The following RPS6KA1 variants were observed in gnomAD, a reference collection of about 807,000 sequenced individuals.
The protein encoded by RPS6KA1 is ribosomal protein S6 kinase alpha-1.
RPS6KA1 carries 48 observed loss-of-function variants against 91.3 expected under a neutral mutation model. That is an observed-to-expected ratio of 0.53 (90% CI 0.42 to 0.67). The LOEUF (loss-of-function observed/expected upper bound fraction) is 0.67, where lower values mean the gene tolerates loss of function less well. Among genes scored for constraint, RPS6KA1 ranks in the 30% least tolerant of loss-of-function variants. The pLI is 0.00. For missense variants in RPS6KA1, 719 were observed against 960.5 expected (o/e 0.75, Z 3.32); for synonymous variants, 359 against 384.7 (o/e 0.93, Z 0.78).
intron 2 of RPS6KA1, among the ~76,000 whole-genome samples, chr1:26,539,207 G>A (rs2075928570): frequency 6.6e-6 from 1 of 152,218 alleles, no homozygotes; most frequent in African/African-American, 2.4e-5. Flanking sequence ...GACGAGATGA[G>A]CACGTCCCCG....
In RPS6KA1 at chr1:26,555,278, TG is replaced by T; in HGVS notation, c.827+62del. ...ACTCCTCCAAGCCCCAGCCCCAGTT[TG>T]GGGGTCAGAATATTATTACCCTGTC... On this transcript the variant is annotated intron_variant, in intron 10 of 21. Coordinates refer to ENST00000374168, the MANE Select transcript of RPS6KA1 (RefSeq NM_002953.4). This position sits in a 1 kb window ranked among gnomAD's most constrained non-coding sequence, Gnocchi z 4.3. 2 of 1,553,858 alleles carry T rather than the reference TG, an allele frequency of 1.3e-6. No homozygotes were observed. The highest frequency in any genetic ancestry group is 1.1e-5 in the South Asian group (1 of 89,192).
At chr1:26,572,323 T>C in intron 20 of RPS6KA1, 30 bp downstream of exon 20, 3 of 1,500,128 alleles carry the variant, frequency 2.0e-6, no homozygotes, top group Non-Finnish European at 2.8e-6. Flanking sequence ...GTGGGCTTAT[T>C]TGGAGGAGGG....
chr1:26,561,645 G>T lies in RPS6KA1; in HGVS notation c.1572G>T (p.Glu524Asp). 6.2e-7 allele frequency: 1 copy of T among 1,609,316 alleles called. No homozygotes were observed. The highest frequency in any genetic ancestry group is 8.5e-7 in the Non-Finnish European group (1 of 1,177,152). ...TGCACACCATTGGCAAAACTGTGGA[G>T]TATCTGCACTCACAGGGGGTGAGTC... ...FVLHTIGKTV[E>D]YLHSQGVVHR... Residue 524 changes from glutamate to aspartate, a missense_variant, in exon 17 of 22, where the codon GAG (glutamate) becomes GAT (aspartate). Glu to Asp is a conservative substitution (Grantham distance 45). This residue lies in a region of RPS6KA1 where 249 missense variants were observed against 323.1 expected (regional missense o/e 0.77). Transcript: ENST00000374168. The surrounding 1 kb of genome is among the most constrained non-coding windows in gnomAD (Gnocchi z 5.7).
chr1:26,533,684 CAA>C (rs1235242818), intron 1 of RPS6KA1, among the ~76,000 whole-genome samples: 2 of 151,920 alleles, frequency 1.3e-5, no homozygotes, highest in African/African-American at 4.8e-5. Flanking sequence ...CCAGCCTGGG[CAA>C]AAGAGTGAAA....
At chr1:26,569,220 G>A (rs1422919087) in intron 17 of RPS6KA1, among the ~76,000 whole-genome samples, 1 of 151,916 alleles carries the variant, frequency 6.6e-6, no homozygotes, top group African/African-American at 2.4e-5. Context: ...TTTCTCCTCT[G>A]TAAAATGGAG....
chr1:26,547,566 T>G lies in RPS6KA1; in HGVS notation c.307+296T>G. The G allele has an allele frequency of 2.7e-6, 1 of 365,040 alleles. No homozygotes were observed. Among genetic ancestry groups the G allele is most frequent in the South Asian group, 2.5e-5 (1 of 40,138 alleles). 22.6% of individuals were successfully genotyped at this position (365,040 alleles called of 1,614,324 possible). On this transcript the variant is annotated intron_variant, in intron 4 of 21. Coordinates refer to ENST00000374168, the MANE Select transcript of RPS6KA1 (RefSeq NM_002953.4). The surrounding 1 kb of genome is among the most constrained non-coding windows in gnomAD (Gnocchi z 4.1). ...GCTGGTCAAGCAGAGGCATTCTGACTGTTGATGCTAGAAGAGTCTGGGGGA... is the reference window on the plus strand; with the variant it reads ...GCTGGTCAAGCAGAGGCATTCTGACGGTTGATGCTAGAAGAGTCTGGGGGA...
rs1443663474 is a variant in RPS6KA1 at position 26,540,305 on chromosome 1, C to G, written c.108+3336C>G. ...GGTTCAGACAGGGAAACAGATTTGC[C>G]CGGGAGCACCCAGCTAGTGAGTGGC... On this transcript the variant is annotated intron_variant, in intron 2 of 21. Transcript: ENST00000374168. This position sits in a 1 kb window ranked among gnomAD's most constrained non-coding sequence, Gnocchi z 4.2. Among the ~76,000 whole-genome samples, 8 of 152,194 alleles carry G rather than the reference C, an allele frequency of 5.3e-5. No homozygotes were observed. Among genetic ancestry groups the G allele is most frequent in the Admixed American group, 5.2e-4 (8 of 15,286 alleles).
chr1:26,548,513 G>C (rs1330925820), intron 4 of RPS6KA1, among the ~76,000 whole-genome samples: 1 of 152,004 alleles, frequency 6.6e-6, no homozygotes, highest in Non-Finnish European at 1.5e-5. Flanking sequence ...AAAATGTAAG[G>C]TAAGCTGGGT....
chr1:26,531,659 T>C (rs1264682822), intron 1 of RPS6KA1, among the ~76,000 whole-genome samples: 1 of 152,162 alleles, frequency 6.6e-6, no homozygotes, highest in Non-Finnish European at 1.5e-5. Context: ...TTCCTGGGAT[T>C]GGTGGGGCAG....
In RPS6KA1 at chr1:26,561,372, G is replaced by A. The variant is rs2124653967; in HGVS notation, c.1432-133G>A. On this transcript the variant is annotated intron_variant, in intron 16 of 21. Transcript: ENST00000374168. The surrounding 1 kb of genome is among the most constrained non-coding windows in gnomAD (Gnocchi z 5.7). ...GTGTCAGCATCCTCCTTTTGGGGAA[G>A]GCAGGACCACTGAAGAGCAAGCAGA... 1 of 1,187,940 alleles carries A rather than the reference G, an allele frequency of 8.4e-7. No homozygotes were observed. The highest frequency in any genetic ancestry group is 1.2e-6 in the Non-Finnish European group (1 of 820,408). 73.6% of individuals were successfully genotyped at this position (1,187,940 alleles called of 1,614,324 possible).
At chr1:26,546,814 T>C in intron 2 of RPS6KA1, 53 bp from the exon 3 acceptor site, 1 of 1,440,470 alleles carries the variant, frequency 6.9e-7, no homozygotes, top group South Asian at 1.2e-5. Context: ...CAGGGGAGCC[T>C]CCTGCTGCCT....
At position 26,529,801 on chromosome 1, in the gene RPS6KA1, C is replaced by T. The variant is rs1184060454; in HGVS notation, c.-120C>T. On this transcript the variant is annotated 5_prime_UTR_variant, in exon 1 of 22. Transcript: ENST00000374168. The surrounding 1 kb of genome is among the most constrained non-coding windows in gnomAD (Gnocchi z 4.2). ...CGGCGGCGGCGGCGGACGGCCCAGC[C>T]GGAGCGCGAGGGGCTCGGGGGGGCG... 2.9e-6 allele frequency: 2 copies of T among 691,658 alleles called. No individual in the cohort carries two copies. Among genetic ancestry groups the T allele is most frequent in the Non-Finnish European group, 3.9e-6 (2 of 518,146 alleles). The allele number at this position is 691,658 out of a possible 1,614,324, so 42.8% of individuals were successfully genotyped here.
chr1:26,554,858 T>C lies in RPS6KA1; in HGVS notation c.756+120T>C. The C allele has an allele frequency of 7.4e-7, 1 of 1,360,284 alleles. No individual in the cohort carries two copies. The highest frequency in any genetic ancestry group is 1.4e-5 in the South Asian group (1 of 71,314). 84.3% of individuals were successfully genotyped at this position (1,360,284 alleles called of 1,614,324 possible). On this transcript the variant is annotated intron_variant, in intron 9 of 21. Transcript: ENST00000374168. This position sits in a 1 kb window ranked among gnomAD's most constrained non-coding sequence, Gnocchi z 4.6. ...TCCCCGTCTCCTCTCACAGCCAAGC[T>C]GGCCTCACCCTATATGCACCTGCAG...
In RPS6KA1 at chr1:26,529,819, G is replaced by C. The variant is rs989573680; in HGVS notation, c.-102G>C. ...GCCCAGCCGGAGCGCGAGGGGCTCGGGGGGGCGCGGCGGTTCGGGTCGCAG... is the reference window on the plus strand; with the variant it reads ...GCCCAGCCGGAGCGCGAGGGGCTCGCGGGGGCGCGGCGGTTCGGGTCGCAG... On this transcript the variant is annotated 5_prime_UTR_variant, in exon 1 of 22. Transcript: ENST00000374168. The surrounding 1 kb of genome is among the most constrained non-coding windows in gnomAD (Gnocchi z 4.2). 7.0e-5 allele frequency: 62 copies of C among 883,162 alleles called. No individual in the cohort carries two copies. The African/African-American group carries it at 1.1e-3, about 15-fold the overall frequency. The allele number at this position is 883,162 out of a possible 1,614,324, so 54.7% of individuals were successfully genotyped here.
rs754095097 is a variant in RPS6KA1 at position 26,530,033 on chromosome 1, C to G, written c.63+50C>G. The G allele has an allele frequency of 1.2e-5, 15 of 1,254,358 alleles. No individual in the cohort carries two copies. The South Asian group carries it at 3.1e-4, about 26-fold the overall frequency. The allele number at this position is 1,254,358 out of a possible 1,614,324, so 77.7% of individuals were successfully genotyped here. On this transcript the variant is annotated intron_variant, in intron 1 of 21. Transcript: ENST00000374168. ...GCGCCCGCGGCCGGCGAGCCCGGATCCTCACAGGGGCGGGGCGGCCCGAAG... is the reference window on the plus strand; with the variant it reads ...GCGCCCGCGGCCGGCGAGCCCGGATGCTCACAGGGGCGGGGCGGCCCGAAG...
rs1234772230 is a variant in RPS6KA1, at chr1:26,560,846, G to C, written c.1336G>C (p.Val446Leu). Reference sequence around the variant, plus strand: ...CAAGGCCACCAACATGGAGTATGCTGTCAAGGTGGGCCTCCTGACCACGTC... The same window carrying C: ...CAAGGCCACCAACATGGAGTATGCTCTCAAGGTGGGCCTCCTGACCACGTC... ...VHKATNMEYA[V>L]KVIDKSKRDP... Residue 446 changes from valine to leucine, a missense_variant, in exon 15 of 22, where the codon GTC (valine) becomes CTC (leucine). This residue lies in a region of RPS6KA1 where 26 missense variants were observed against 69.6 expected (regional missense o/e 0.37). Transcript: ENST00000374168. 2 of 1,614,120 alleles carry C rather than the reference G, an allele frequency of 1.2e-6. No individual in the cohort carries two copies. The highest frequency in any genetic ancestry group is 1.3e-5 in the African/African-American group (1 of 74,948).
chr1:26,557,792 C>T (rs1246399902), intron 13 of RPS6KA1, among the ~76,000 whole-genome samples: 1 of 122,848 alleles, frequency 8.1e-6, no homozygotes, highest in African/African-American at 3.1e-5. Flanking sequence ...CCCTCCCCTC[C>T]CCTCCCCTCC....
At chr1:26,537,041 G>A in intron 2 of RPS6KA1, 72 bp downstream of exon 2, 1 of 1,520,558 alleles carries the variant, frequency 6.6e-7, no homozygotes, top group Admixed American at 1.7e-5. Context: ...GGAGGAGGTT[G>A]AGGGCTCCAG....
chr1:26,547,328 A>T lies in RPS6KA1; in HGVS notation c.307+58A>T. On this transcript the variant is annotated intron_variant, in intron 4 of 21. Transcript: ENST00000374168. The surrounding 1 kb of genome is among the most constrained non-coding windows in gnomAD (Gnocchi z 4.1). ...GGCTTGGCTGAGGGAGGCAGCCCAG[A>T]CTTCAAGGGCCTTGGGTCTGGCAAG... 1 of 1,443,674 alleles carries T rather than the reference A, an allele frequency of 6.9e-7. No individual in the cohort carries two copies. Among genetic ancestry groups the T allele is most frequent in the Non-Finnish European group, 9.6e-7 (1 of 1,037,532 alleles). 89.4% of individuals were successfully genotyped at this position (1,443,674 alleles called of 1,614,324 possible). A position where few individuals can be genotyped will look rare whatever the true frequency, so the allele number is the denominator to read the frequency against.
Sources: allele counts gnomAD v4.1 joint callset (sites outside exome capture counted in the v4.1 genomes callset), GRCh38; gene constraint gnomAD v4.1.1; regional missense constraint gnomAD v4.1.1; non-coding constraint Gnocchi (gnomAD v3.1); transcripts MANE v1.5; gene names NCBI Gene and HGNC (gene_info 2026-07-23, HGNC 2026-07-21).